NELL1: variants seen among roughly 807,000 people sequenced by gnomAD.
NELL1 encodes the protein protein kinase C-binding protein NELL1.
A neutral mutation model predicts 107.4 loss-of-function variants in NELL1; 76 were observed. That is an observed-to-expected ratio of 0.71 (90% CI 0.59 to 0.86). NELL1 has a LOEUF of 0.86. Among genes scored for constraint, NELL1 ranks in the 40% least tolerant of loss-of-function variants. The pLI, the probability that NELL1 is intolerant of heterozygous loss-of-function variation, is 0.00. For synonymous variants in NELL1, 353 were observed against 341.2 expected (o/e 1.03, Z -0.38); for missense variants, 1,024 against 1,005.5 (o/e 1.02, Z -0.25).
intron 14 of NELL1, among the ~76,000 whole-genome samples, chr11:21,261,304 G>A (rs1848526463): frequency 6.6e-6 from 1 of 151,420 alleles, no homozygotes; most frequent in Non-Finnish European, 1.5e-5. Context: ...CAGATATTAA[G>A]CATAGTACCC....
chr11:20,799,137 A>G lies in NELL1; in HGVS notation c.335+15307A>G, dbSNP rs536548956. On this transcript the variant is annotated intron_variant, in intron 3 of 19. Coordinates refer to ENST00000357134, the MANE Select transcript of NELL1 (RefSeq NM_006157.5). Reference sequence around the variant, plus strand: ...CAGCTATGAAAAAATCAGAAAGATGAGTGTCCCAGATAGCTGAGACAGTAA... The same window carrying G: ...CAGCTATGAAAAAATCAGAAAGATGGGTGTCCCAGATAGCTGAGACAGTAA... Among the ~76,000 whole-genome samples, 9 of 152,320 alleles carry G rather than the reference A, an allele frequency of 5.9e-5. No individual in the cohort carries two copies. The East Asian group carries it at 1.7e-3, about 29-fold the overall frequency.
At chr11:21,161,043 ATT>A (rs1856356577) in intron 13 of NELL1, among the ~76,000 whole-genome samples, 2 of 147,680 alleles carry the variant, frequency 1.4e-5, no homozygotes, top group African/African-American at 5.0e-5. Context: ...ACACACACAC[ATT>A]TATTAGTATT....
intron 14 of NELL1, among the ~76,000 whole-genome samples, chr11:21,314,794 T>C (rs79667111): frequency 0.024 from 3,617 of 152,258 alleles, 146 homozygotes; most frequent in African/African-American, 0.084. Context: ...ATTTTAGATT[T>C]ACCTTTGGAA....
At chr11:20,976,645 A>G (rs896186660) in intron 12 of NELL1, among the ~76,000 whole-genome samples, 1 of 152,206 alleles carries the variant, frequency 6.6e-6, no homozygotes, top group African/African-American at 2.4e-5. Flanking sequence ...TTAACATAGC[A>G]TCTGTTTAAC....
chr11:20,867,839 G>A (rs1005566368), intron 4 of NELL1, among the ~76,000 whole-genome samples: 6 of 152,260 alleles, frequency 3.9e-5, no homozygotes, highest in South Asian at 2.1e-4. Flanking sequence ...TCAAATATTC[G>A]TTGGTTGCTT....
intron 15 of NELL1, among the ~76,000 whole-genome samples, chr11:21,461,472 G>T (rs1045698130): frequency 6.6e-6 from 1 of 152,168 alleles, no homozygotes. Context: ...TAAGAAATTA[G>T]AGTGCTGTAG....
intron 15 of NELL1, among the ~76,000 whole-genome samples, chr11:21,418,922 T>C (rs919034746): frequency 1.1e-4 from 16 of 152,110 alleles, no homozygotes; most frequent in African/African-American, 3.9e-4. Flanking sequence ...AGAATTATCA[T>C]TGTAAAAAGC....
intron 12 of NELL1, among the ~76,000 whole-genome samples, chr11:21,110,557 T>G (rs1855082687): frequency 6.6e-6 from 1 of 152,040 alleles, no homozygotes; most frequent in Non-Finnish European, 1.5e-5. Flanking sequence ...CTAAGAAAAA[T>G]GAGCCAGGAG....
chr11:21,538,289 T>A (rs992157455), intron 16 of NELL1, among the ~76,000 whole-genome samples: 3 of 152,176 alleles, frequency 2.0e-5, no homozygotes, highest in Admixed American at 2.0e-4. Flanking sequence ...CTACTGATTT[T>A]ATCCATTATT....
At chr11:20,740,187 T>A (rs1855859120) in intron 2 of NELL1, among the ~76,000 whole-genome samples, 1 of 152,192 alleles carries the variant, frequency 6.6e-6, no homozygotes, top group Admixed American at 6.5e-5. Flanking sequence ...ATTACTGTCC[T>A]CATTTTTCAA....
chr11:21,305,634 A>G (rs543622807), intron 14 of NELL1, among the ~76,000 whole-genome samples: 1 of 152,004 alleles, frequency 6.6e-6, no homozygotes, highest in South Asian at 2.1e-4. Context: ...TGTATACTAC[A>G]TATCTAGACA....
chr11:20,978,953 A>G (rs1460636766), intron 12 of NELL1, among the ~76,000 whole-genome samples: 2 of 152,126 alleles, frequency 1.3e-5, no homozygotes, highest in South Asian at 2.1e-4. Context: ...TGCTGTTTGC[A>G]GTGGCCACAG....
intron 14 of NELL1, chr11:21,283,806 C>T (rs1565147528): frequency 5.1e-6 from 1 of 196,942 alleles, no homozygotes; most frequent in Admixed American, 5.3e-5. Context: ...CTGACAGTAG[C>T]CAGTGGCTCT....
intron 15 of NELL1, among the ~76,000 whole-genome samples, chr11:21,505,228 C>T (rs990293221): frequency 2.0e-5 from 3 of 152,096 alleles, no homozygotes; most frequent in Non-Finnish European, 4.4e-5. Flanking sequence ...CTCAGAAAAC[C>T]ATTACTTATC....
intron 3 of NELL1, among the ~76,000 whole-genome samples, chr11:20,830,256 CAA>C (rs1160803427): frequency 3.1e-5 from 4 of 127,582 alleles, no homozygotes; most frequent in African/African-American, 5.7e-5. Flanking sequence ...GACACCATCT[CAA>C]AAAAAAAAAA....
intron 4 of NELL1, among the ~76,000 whole-genome samples, chr11:20,863,920 A>G (rs1201503469): frequency 1.3e-5 from 2 of 152,194 alleles, no homozygotes; most frequent in African/African-American, 4.8e-5. Context: ...AGCCCGGCCA[A>G]CACAGTGAAA....
chr11:20,959,993 T>A (rs1029832795), intron 11 of NELL1, among the ~76,000 whole-genome samples: 5 of 152,140 alleles, frequency 3.3e-5, no homozygotes, highest in Admixed American at 2.6e-4. Flanking sequence ...TTATCTCTAG[T>A]GGCTGGGAGG....
intron 13 of NELL1, among the ~76,000 whole-genome samples, chr11:21,135,725 ATATATC>A (rs1207853331): frequency 6.6e-6 from 1 of 152,238 alleles, no homozygotes; most frequent in East Asian, 1.9e-4. Context: ...ACAACATTCT[ATATATC>A]TAGTAATACC....
intron 12 of NELL1, among the ~76,000 whole-genome samples, chr11:20,978,931 T>C (rs1331726378): frequency 6.6e-6 from 1 of 152,228 alleles, no homozygotes; most frequent in African/African-American, 2.4e-5. Flanking sequence ...TACTGCTTAG[T>C]GTGATGGGAC....
Sources: gnomAD v4.1 joint callset for allele counts (sites outside exome capture counted in the v4.1 genomes callset) on GRCh38, gnomAD v4.1.1 for gene constraint, MANE v1.5 for transcripts, NCBI Gene and HGNC (gene_info 2026-07-23, HGNC 2026-07-21) for gene names.